NFIC: variants seen among roughly 807,000 people sequenced by gnomAD.
NFIC encodes nuclear factor 1 C-type.
A neutral mutation model predicts 54.4 loss-of-function variants in NFIC; 12 were observed. That is an observed-to-expected ratio of 0.22 (90% confidence interval 0.14 to 0.36). The LOEUF is 0.36. Ranked by LOEUF, NFIC falls within the 10% of genes least tolerant of loss-of-function variation. The pLI is 1.00. For missense variants in NFIC, 575 were observed against 718.2 expected (o/e 0.80, Z 2.28); for synonymous variants, 322 against 319.2 (o/e 1.01, Z -0.09).
chr19:3,418,606 C>CT (rs2081905213), intron 2 of NFIC, among the ~76,000 whole-genome samples: 1 of 152,074 alleles, frequency 6.6e-6, no homozygotes, highest in Non-Finnish European at 1.5e-5. Context: ...AATCCCAGCA[C>CT]TTTGGGAGGC....
rs1488876461 is a variant in NFIC at position 3,390,797 on chromosome 19, C to T, written c.562+8554C>T. Among the ~76,000 whole-genome samples the T allele has an allele frequency of 2.0e-5, 3 of 148,674 alleles. No homozygotes were observed. The Admixed American group carries it at 2.0e-4, about 10-fold the overall frequency. ...GGACAAATCCTGTGTGATTCCACTCCTAGGAGGTCCATAGAGTCGCCAGAT... is the reference window on the plus strand; with the variant it reads ...GGACAAATCCTGTGTGATTCCACTCTTAGGAGGTCCATAGAGTCGCCAGAT... On this transcript the variant is annotated intron_variant, in intron 2 of 10. Transcript: ENST00000443272.
chr19:3,394,530 A>ACCCCCCCCC (rs1270123415), intron 2 of NFIC, among the ~76,000 whole-genome samples: 7 of 36,614 alleles, frequency 1.9e-4, no homozygotes, highest in South Asian at 1.3e-3. Context: ...CCCACCCCCC[A>ACCCCCCCCC]CCCGCTTACA....
intron 2 of NFIC, among the ~76,000 whole-genome samples, chr19:3,403,734 T>C (rs1323498005): frequency 6.6e-6 from 1 of 152,116 alleles, no homozygotes; most frequent in Non-Finnish European, 1.5e-5. Flanking sequence ...CCTCCCGTCC[T>C]CCGGACTCCC....
At chr19:3,366,487 G>C, upstream of NFIC, 1 of 514,558 alleles carries the variant, frequency 1.9e-6, no homozygotes, top group Non-Finnish European at 3.3e-6. Context: ...GGGAGGAGGA[G>C]GGAGACCGAG....
rs571386848 is a variant in NFIC, at chr19:3,366,968, C to A, written c.30+302C>A. ...GGTCTGCAGATTTGCGTCCCCCCCC[C>A]ACACACCGACGCACTCCGCACCCCC... On this transcript the variant is annotated intron_variant, in intron 1 of 10. Coordinates refer to ENST00000443272, the MANE Select transcript of NFIC (RefSeq NM_001245002.2). 8.1e-3 allele frequency among the ~76,000 whole-genome samples: 996 copies of A among 122,226 alleles called. 14 individuals are homozygous for A. Among genetic ancestry groups the A allele is most frequent in the African/African-American group, 0.026 (849 of 32,290 alleles). 80.2% of individuals were successfully genotyped at this position (122,226 alleles called of 152,430 possible).
At chr19:3,442,634 G>T (rs930848125) in intron 6 of NFIC, among the ~76,000 whole-genome samples, 2 of 152,020 alleles carry the variant, frequency 1.3e-5, no homozygotes, top group Non-Finnish European at 2.9e-5. Flanking sequence ...TGATCCGCCC[G>T]CCTCGGCCTC....
chr19:3,464,615 G>A lies in NFIC; in HGVS notation c.*1846G>A, dbSNP rs1599740142. On this transcript the variant is annotated 3_prime_UTR_variant, in exon 11 of 11. Coordinates refer to ENST00000443272, the MANE Select transcript of NFIC (RefSeq NM_001245002.2). ...CTCCCCCGACCCAGGCCAAAGCCAG[G>A]GCAGGTCTCCGGGTCTCACCTGCTC... The A allele has an allele frequency of 1.0e-6, 1 of 968,576 alleles. No individual in the cohort carries two copies. Among genetic ancestry groups the A allele is most frequent in the Non-Finnish European group, 1.2e-6 (1 of 818,834 alleles). The allele number at this position is 968,576 out of a possible 1,614,324, so 60.0% of individuals were successfully genotyped here. A position where few individuals can be genotyped will look rare whatever the true frequency, so the allele number is the denominator to read the frequency against.
At chr19:3,420,556 A>AAATAAATAAATAAAT (rs2081937253) in intron 2 of NFIC, among the ~76,000 whole-genome samples, 13 of 142,680 alleles carry the variant, frequency 9.1e-5, no homozygotes, top group South Asian at 4.5e-4. Context: ...CCATCTCAAA[A>AAATAAATAAATAAAT]AAATAAATAA....
Position 3,467,057 on chromosome 19 carries a change from G to T in NFIC, c.*4288G>T, listed in dbSNP as rs1457577849. 1 of 152,138 alleles carries T rather than the reference G, an allele frequency of 6.6e-6. No homozygotes were observed. The highest frequency in any genetic ancestry group is 2.4e-5 in the African/African-American group (1 of 41,402). The allele number at this position is 152,138 out of a possible 1,614,324, so 9.4% of individuals were successfully genotyped here. A position where few individuals can be genotyped will look rare whatever the true frequency, so the allele number is the denominator to read the frequency against. On this transcript the variant is annotated 3_prime_UTR_variant, in exon 11 of 11. Coordinates refer to ENST00000443272, the MANE Select transcript of NFIC (RefSeq NM_001245002.2). ...ATCTCTGCAGTTTGGGTTCACAAAA[G>T]GGGGTGCCGTCATCCCTGGGTGGAG... is the stretch of plus-strand genomic sequence containing the variant.
At position 3,447,882 on chromosome 19, in the gene NFIC, T is replaced by TTTTG. The variant is rs527506078; in HGVS notation, c.959-1120_959-1117dup. Among the ~76,000 whole-genome samples, 924 of 152,304 alleles carry TTTTG rather than the reference T, an allele frequency of 6.1e-3. 9 individuals are homozygous for TTTTG. Among genetic ancestry groups the TTTTG allele is most frequent in the African/African-American group, 0.021 (871 of 41,562 alleles). ...GTGAGCCTCCCTGAGTCCATCCGTT[T>TTTTG]TTTGTTTGTTTGTTTACTTGCTTGT... On this transcript the variant is annotated intron_variant, in intron 6 of 10. Coordinates refer to ENST00000443272, the MANE Select transcript of NFIC (RefSeq NM_001245002.2).
rs77856745 is a variant in NFIC, at chr19:3,454,530, C to T, written c.1423+614C>T. ...ATTTTTCTGCTCTCTGGATGTGGTTCTGGGTGGCTGCTGGATGGCCCCTCG... is the reference window on the plus strand; with the variant it reads ...ATTTTTCTGCTCTCTGGATGTGGTTTTGGGTGGCTGCTGGATGGCCCCTCG... On this transcript the variant is annotated intron_variant, in intron 9 of 10. Coordinates refer to ENST00000443272, the MANE Select transcript of NFIC (RefSeq NM_001245002.2). Among the ~76,000 whole-genome samples, 543 of 152,136 alleles carry T rather than the reference C, an allele frequency of 3.6e-3. 4 individuals carry two copies. The highest frequency in any genetic ancestry group is 0.012 in the African/African-American group (516 of 41,500).
At chr19:3,445,535 G>A (rs1186559109) in intron 6 of NFIC, among the ~76,000 whole-genome samples, 1 of 152,204 alleles carries the variant, frequency 6.6e-6, no homozygotes, top group African/African-American at 2.4e-5. Context: ...GTGTTCCCGG[G>A]TCCCTGGGAA....
intron 1 of NFIC, among the ~76,000 whole-genome samples, chr19:3,381,478 T>C (rs1446976581): frequency 2.0e-5 from 3 of 151,690 alleles, no homozygotes; most frequent in African/African-American, 7.3e-5. Flanking sequence ...TGTTTGCTCA[T>C]CTGGGCGATG....
intron 2 of NFIC, among the ~76,000 whole-genome samples, chr19:3,396,705 C>T (rs1476473827): frequency 6.6e-6 from 1 of 152,244 alleles, no homozygotes; most frequent in Non-Finnish European, 1.5e-5. Context: ...CCTGTAATCC[C>T]AGCACTTGCA....
At chr19:3,360,413 G>A (rs2080795899) in intron 1 of NFIC, among the ~76,000 whole-genome samples, 1 of 151,560 alleles carries the variant, frequency 6.6e-6, no homozygotes, top group East Asian at 2.0e-4. Context: ...GCGCGCCCCA[G>A]GCCCTGGAGC....
Position 3,433,381 on chromosome 19 carries a change from C to T in NFIC, c.635-137C>T, listed in dbSNP as rs989871458. The T allele has an allele frequency of 7.7e-5, 64 of 834,608 alleles. No homozygotes were observed. In the Admixed American group the frequency reaches 1.2e-3, roughly 16 times the overall value. The allele number at this position is 834,608 out of a possible 1,614,324, so 51.7% of individuals were successfully genotyped here. A position where few individuals can be genotyped will look rare whatever the true frequency, so the allele number is the denominator to read the frequency against. ...GCCTTCCCCATCAGACTGGAGCTGT[C>T]ATTCCCCCACAGCACAGGATGGACA... On this transcript the variant is annotated intron_variant, in intron 3 of 10. Coordinates refer to ENST00000443272, the MANE Select transcript of NFIC (RefSeq NM_001245002.2).
intron 1 of NFIC, among the ~76,000 whole-genome samples, chr19:3,379,087 T>C (rs1021611265): frequency 6.6e-6 from 1 of 152,114 alleles, no homozygotes; most frequent in East Asian, 1.9e-4. Context: ...CAAGATGGAG[T>C]CTCGCCCTGT....
At chr19:3,443,174 C>T (rs1216809765) in intron 6 of NFIC, among the ~76,000 whole-genome samples, 3 of 152,188 alleles carry the variant, frequency 2.0e-5, no homozygotes, top group Non-Finnish European at 4.4e-5. Flanking sequence ...TGGCTCACAC[C>T]TGTAATCCCA....
chr19:3,463,111 G>A lies in NFIC; in HGVS notation c.*342G>A. Reference sequence around the variant, plus strand: ...GACCCGGGACAGGGCGTCTTCCTAAGTTATTCATCTCCTCTCCGCCTGCTG... The same window carrying A: ...GACCCGGGACAGGGCGTCTTCCTAAATTATTCATCTCCTCTCCGCCTGCTG... On this transcript the variant is annotated 3_prime_UTR_variant, in exon 11 of 11. Coordinates refer to ENST00000443272, the MANE Select transcript of NFIC (RefSeq NM_001245002.2). The A allele has an allele frequency of 2.5e-6, 3 of 1,216,422 alleles. No homozygotes were observed. In the South Asian group the frequency reaches 6.5e-5, roughly 27 times the overall value. 75.4% of individuals were successfully genotyped at this position (1,216,422 alleles called of 1,614,324 possible). A position where few individuals can be genotyped will look rare whatever the true frequency, so the allele number is the denominator to read the frequency against.
Sources: allele counts gnomAD v4.1 joint callset (sites outside exome capture counted in the v4.1 genomes callset), GRCh38; gene constraint gnomAD v4.1.1; transcripts MANE v1.5; gene names NCBI Gene and HGNC (gene_info 2026-07-23, HGNC 2026-07-21).